The following MICU1 variants were observed in gnomAD, a reference collection of about 807,000 sequenced individuals.
MICU1 encodes calcium uptake protein 1, mitochondrial.
In MICU1, 45 loss-of-function variants were observed where a neutral mutation model predicts 56.8. The ratio of observed to expected loss-of-function variants is 0.79; its 90% confidence interval spans 0.62 to 1.02. The LOEUF is 1.02. MICU1 is among the 50% of genes least tolerant of loss of function. MICU1 has a pLI of 0.00. For synonymous variants in MICU1, 186 were observed against 195.1 expected (o/e 0.95, Z 0.39); for missense variants, 504 against 587.1 (o/e 0.86, Z 1.46).
intron 4 of MICU1, among the ~76,000 whole-genome samples, chr10:72,544,782 C>A (rs1207850368): frequency 6.6e-6 from 1 of 152,090 alleles, no homozygotes; most frequent in Non-Finnish European, 1.5e-5. Flanking sequence ...TATTTTTTTC[C>A]TTTTAATGTC....
intron 8 of MICU1, among the ~76,000 whole-genome samples, chr10:72,448,388 G>C (rs1489332157): frequency 6.6e-6 from 1 of 150,840 alleles, no homozygotes; most frequent in African/African-American, 2.4e-5. Context: ...TGGCCAGGCT[G>C]TTCTGGAACT....
intron 10 of MICU1, among the ~76,000 whole-genome samples, chr10:72,393,478 C>T (rs1589165484): frequency 6.6e-6 from 1 of 152,096 alleles, no homozygotes; most frequent in Non-Finnish European, 1.5e-5. Context: ...TAACTAACTC[C>T]AATAGCTAAG....
chr10:72,436,854 G>C (rs952750585), intron 8 of MICU1, among the ~76,000 whole-genome samples: 8 of 151,606 alleles, frequency 5.3e-5, no homozygotes, highest in Non-Finnish European at 1.2e-4. Flanking sequence ...AAAAAGATAA[G>C]AGTAAAAAAA....
chr10:72,596,524 C>A (rs1326852711), intron 1 of MICU1, among the ~76,000 whole-genome samples: 1 of 152,082 alleles, frequency 6.6e-6, no homozygotes, highest in Admixed American at 6.6e-5. Flanking sequence ...ATGATTAAGA[C>A]AACAAATTTG....
At chr10:72,624,829 G>A (rs575367001) in intron 1 of MICU1, among the ~76,000 whole-genome samples, 1 of 152,262 alleles carries the variant, frequency 6.6e-6, no homozygotes, top group South Asian at 2.1e-4. Context: ...GGAGGCAAAA[G>A]CCACCTTCCT....
At chr10:72,544,055 C>T (rs1041418800) in intron 4 of MICU1, among the ~76,000 whole-genome samples, 13 of 152,276 alleles carry the variant, frequency 8.5e-5, no homozygotes, top group South Asian at 4.1e-4. Flanking sequence ...CTGACCTAAA[C>T]GGTTATGTTA....
At chr10:72,559,405 ATATAATTT>A (rs1315527924) in intron 3 of MICU1, among the ~76,000 whole-genome samples, 2 of 151,886 alleles carry the variant, frequency 1.3e-5, no homozygotes, top group Admixed American at 6.5e-5. Flanking sequence ...TATAAAATTT[ATATAATTT>A]TATAAACTAC....
intron 1 of MICU1, among the ~76,000 whole-genome samples, chr10:72,589,970 A>G (rs1276713339): frequency 6.6e-6 from 1 of 152,132 alleles, no homozygotes; most frequent in Non-Finnish European, 1.5e-5. Flanking sequence ...GCCTGTGAAC[A>G]GCCCCTCATT....
intron 8 of MICU1, among the ~76,000 whole-genome samples, chr10:72,449,503 G>A (rs369799068): frequency 3.9e-5 from 6 of 152,262 alleles, no homozygotes; most frequent in Admixed American, 1.3e-4. Context: ...CTCCCAAAGT[G>A]TTGGGATTAA....
intron 1 of MICU1, among the ~76,000 whole-genome samples, chr10:72,570,120 TTTTTAG>T (rs1840571086): frequency 6.6e-6 from 1 of 152,098 alleles, no homozygotes; most frequent in Admixed American, 6.6e-5. Flanking sequence ...TAATTTTATA[TTTTTAG>T]TAAAGACGGG....
intron 8 of MICU1, among the ~76,000 whole-genome samples, chr10:72,431,965 A>C (rs1387882693): frequency 6.6e-6 from 1 of 152,038 alleles, no homozygotes; most frequent in South Asian, 2.1e-4. Context: ...TAACATATGT[A>C]GTGGTCATTT....
chr10:72,507,548 G>A (rs998783006), intron 6 of MICU1, among the ~76,000 whole-genome samples: 1 of 152,212 alleles, frequency 6.6e-6, no homozygotes, highest in Non-Finnish European at 1.5e-5. Context: ...TGGAGAAGCA[G>A]TAAGTTAATG....
chr10:72,615,165 T>A (rs985117565), intron 1 of MICU1, among the ~76,000 whole-genome samples: 5 of 152,182 alleles, frequency 3.3e-5, no homozygotes, highest in African/African-American at 1.2e-4. Flanking sequence ...TTGCCTAGGC[T>A]AGAGTGCAGT....
At chr10:72,381,607 A>G (rs1862705378) in intron 10 of MICU1, among the ~76,000 whole-genome samples, 1 of 152,126 alleles carries the variant, frequency 6.6e-6, no homozygotes, top group Admixed American at 6.6e-5. Flanking sequence ...CTTAGGCCCT[A>G]TGCCCGCTGA....
intron 6 of MICU1, among the ~76,000 whole-genome samples, chr10:72,484,569 A>G (rs1341002176): frequency 6.6e-6 from 1 of 152,218 alleles, no homozygotes; most frequent in African/African-American, 2.4e-5. Context: ...GAATTCCATA[A>G]AAGAGAAGTC....
chr10:72,463,514 G>C (rs1400062466), intron 8 of MICU1, among the ~76,000 whole-genome samples: 1 of 152,010 alleles, frequency 6.6e-6, no homozygotes, highest in African/African-American at 2.4e-5. Context: ...GCACTTTTTG[G>C]CACACTTTTA....
intron 7 of MICU1, among the ~76,000 whole-genome samples, chr10:72,476,669 T>C (rs1287380615): frequency 6.6e-6 from 1 of 152,210 alleles, no homozygotes; most frequent in African/African-American, 2.4e-5. Flanking sequence ...CTGGCAATCA[T>C]AATAACTGTA....
At chr10:72,469,779 C>T (rs1232906666) in intron 8 of MICU1, among the ~76,000 whole-genome samples, 1 of 152,156 alleles carries the variant, frequency 6.6e-6, no homozygotes, top group Non-Finnish European at 1.5e-5. Context: ...GTTCTGGAGG[C>T]TATACGAGTG....
At chr10:72,448,125 G>GTGTGTA (rs1282072033) in intron 8 of MICU1, among the ~76,000 whole-genome samples, 13 of 113,074 alleles carry the variant, frequency 1.1e-4, no homozygotes, top group Admixed American at 1.8e-4. Context: ...ATATATATGT[G>GTGTGTA]TGTGTGTGTG....
Sources: allele counts gnomAD v4.1 joint callset (sites outside exome capture counted in the v4.1 genomes callset), GRCh38; gene constraint gnomAD v4.1.1; transcripts MANE v1.5; gene names NCBI Gene and HGNC (gene_info 2026-07-23, HGNC 2026-07-21).